The following FRMPD4 variants were observed in gnomAD, a reference collection of about 807,000 sequenced individuals.
FRMPD4 encodes FERM and PDZ domain-containing protein 4.
Under a neutral mutation model 94.1 loss-of-function variants are expected in FRMPD4, and 22 were observed. That is an observed-to-expected ratio of 0.23 (90% CI 0.17 to 0.33). The LOEUF (loss-of-function observed/expected upper bound fraction) is 0.33. Among genes scored for constraint, FRMPD4 ranks in the 10% least tolerant of loss-of-function variants. The probability of loss-of-function intolerance (pLI) is 1.00; values close to 1 mark genes in which losing one functional copy is unlikely to be tolerated. For synonymous variants in FRMPD4, 631 were observed against 548.6 expected (o/e 1.15, Z -2.10); for missense variants, 1,111 against 1,339.9 (o/e 0.83, Z 2.67).
At chrX:12,459,010 G>T (rs934977051) in intron 1 of FRMPD4, among the ~76,000 whole-genome samples, 1 of 112,092 alleles carries the variant, frequency 8.9e-6, no homozygotes, top group South Asian at 3.7e-4. Flanking sequence ...CATTGACCAT[G>T]GAGCACAGAA....
chrX:12,267,321 G>A (rs1470767667), intron 1 of FRMPD4, among the ~76,000 whole-genome samples: 1 of 112,080 alleles, frequency 8.9e-6, no homozygotes, highest in Non-Finnish European at 1.9e-5. Flanking sequence ...CTTCTATAAT[G>A]CTAAATAATG....
intron 1 of FRMPD4, among the ~76,000 whole-genome samples, chrX:12,169,052 G>A (rs898948146): frequency 3.6e-5 from 4 of 112,325 alleles, no homozygotes; most frequent in African/African-American, 1.3e-4. Flanking sequence ...TGACTCATAT[G>A]TAAATGTGGT....
chrX:12,126,478 A>C (rs1236397941), intron 3 of FRMPD4, among the ~76,000 whole-genome samples: 1 of 111,692 alleles, frequency 9.0e-6, no homozygotes, highest in Non-Finnish European at 1.9e-5. Context: ...CATACAGCTA[A>C]GGATGGATCT....
chrX:12,697,875 G>A (rs2060149054), intron 9 of FRMPD4, among the ~76,000 whole-genome samples: 1 of 112,110 alleles, frequency 8.9e-6, no homozygotes, highest in African/African-American at 3.2e-5. Context: ...AGGCAATAAA[G>A]ACCAAAATAA....
At chrX:12,256,406 G>C (rs1222777000) in intron 1 of FRMPD4, among the ~76,000 whole-genome samples, 2 of 112,075 alleles carry the variant, frequency 1.8e-5, no homozygotes, top group Non-Finnish European at 3.8e-5. Context: ...TTAAAAACTA[G>C]TTAGGTCTAT....
At chrX:12,610,453 G>C (rs2059170761) in intron 3 of FRMPD4, among the ~76,000 whole-genome samples, 1 of 112,879 alleles carries the variant, frequency 8.9e-6, no homozygotes, top group Admixed American at 9.3e-5. Context: ...ATGGCTATAA[G>C]AAGAGAGTTT....
chrX:12,057,941 T>C (rs2054863545), intron 3 of FRMPD4, among the ~76,000 whole-genome samples: 1 of 111,322 alleles, frequency 9.0e-6, no homozygotes, highest in Admixed American at 9.6e-5. Flanking sequence ...CTGAGTTTAC[T>C]AGACAGTTTA....
intron 1 of FRMPD4, among the ~76,000 whole-genome samples, chrX:12,308,313 A>C (rs935574832): frequency 1.8e-5 from 2 of 112,205 alleles, no homozygotes; most frequent in African/African-American, 6.5e-5. Context: ...AAGATCCTGC[A>C]GTATGCAGTT....
chrX:12,193,774 G>GAAAGAAAGAAAGAAA (rs748805072), intron 1 of FRMPD4, among the ~76,000 whole-genome samples: 1,536 of 24,688 alleles, frequency 0.062, 205 homozygotes, highest in East Asian at 0.13. Flanking sequence ...AAGAAAGAAA[G>GAAAGAAAGAAAGAAA]GAAGGAAGGA....
chrX:12,696,557 C>T (rs2147128975), intron 9 of FRMPD4, among the ~76,000 whole-genome samples: 1 of 79,079 alleles, frequency 1.3e-5, no homozygotes, highest in South Asian at 5.5e-4. Flanking sequence ...CTCCCCACTG[C>T]CAGAAAGAGA....
chrX:12,454,844 A>G (rs1314112757), intron 1 of FRMPD4, among the ~76,000 whole-genome samples: 1 of 97,586 alleles, frequency 1.0e-5, no homozygotes, highest in Non-Finnish European at 2.0e-5. Context: ...AGCTCTACCT[A>G]TTAGACTAAA....
intron 1 of FRMPD4, among the ~76,000 whole-genome samples, chrX:12,482,713 T>G (rs549760060): frequency 1.8e-5 from 2 of 112,792 alleles, no homozygotes; most frequent in East Asian, 5.5e-4. Context: ...TCTTTTAATA[T>G]GTTTTGCTTA....
At chrX:12,130,966 T>C (rs1398420595) in intron 3 of FRMPD4, among the ~76,000 whole-genome samples, 3 of 112,265 alleles carry the variant, frequency 2.7e-5, no homozygotes, top group African/African-American at 9.7e-5. Context: ...GAATTCATAG[T>C]CTGAAAATTA....
intron 3 of FRMPD4, among the ~76,000 whole-genome samples, chrX:11,880,566 TCTGTC>T (rs1439115548): frequency 2.7e-5 from 3 of 112,002 alleles, no homozygotes; most frequent in Non-Finnish European, 5.6e-5. Context: ...GTTTAATACT[TCTGTC>T]CTGTGCAATT....
rs1256594672 is a variant in FRMPD4 at position 12,267,964 on chromosome X, C to T, written c.41+128952C>T. 7.1e-5 allele frequency among the ~76,000 whole-genome samples: 8 copies of T among 112,810 alleles called. No individual in the cohort carries two copies. In the Admixed American group the frequency reaches 7.5e-4, roughly 11 times the overall value. On this transcript the variant is annotated intron_variant, in intron 1 of 16. Coordinates refer to ENST00000675598, the MANE Select transcript of FRMPD4 (RefSeq NM_001368397.1). ...TGTTAAGGTAATTTATACTCCAAGA[C>T]TCAGTGGTTTAATACAATAAAAGTT...
chrX:12,212,397 T>C (rs1490401179), intron 1 of FRMPD4, among the ~76,000 whole-genome samples: 1 of 110,426 alleles, frequency 9.1e-6, no homozygotes, highest in Non-Finnish European at 1.9e-5. Flanking sequence ...TTCTGTCCTC[T>C]TTCCCTCCGA....
intron 3 of FRMPD4, among the ~76,000 whole-genome samples, chrX:11,920,422 A>G (rs1336740542): frequency 1.8e-5 from 2 of 111,516 alleles, no homozygotes; most frequent in African/African-American, 6.5e-5. Flanking sequence ...CCAGTTCCCA[A>G]ACGATTAATC....
At chrX:12,179,117 A>G (rs1194450833) in intron 1 of FRMPD4, among the ~76,000 whole-genome samples, 1 of 111,517 alleles carries the variant, frequency 9.0e-6, no homozygotes, top group East Asian at 2.8e-4. Context: ...GGCTCTGACT[A>G]TTGGTTCTTT....
At chrX:12,073,444 T>A (rs2054986670) in intron 3 of FRMPD4, among the ~76,000 whole-genome samples, 1 of 112,122 alleles carries the variant, frequency 8.9e-6, no homozygotes, top group African/African-American at 3.2e-5. Flanking sequence ...TTTCCCATCA[T>A]TATTATTCTT....
Sources: gnomAD v4.1 joint callset for allele counts (sites outside exome capture counted in the v4.1 genomes callset) on GRCh38, gnomAD v4.1.1 for gene constraint, MANE v1.5 for transcripts, NCBI Gene and HGNC (gene_info 2026-07-23, HGNC 2026-07-21) for gene names.